RUNX2: variants seen among roughly 807,000 people sequenced by gnomAD.
The protein encoded by RUNX2 is runt-related transcription factor 2.
RUNX2 carries 10 observed loss-of-function variants against 51.7 expected under a neutral mutation model. That is an observed-to-expected ratio of 0.19 (90% confidence interval 0.12 to 0.33). RUNX2 has a LOEUF of 0.33. RUNX2 is among the 10% of genes least tolerant of loss of function. The pLI is 1.00. For missense variants in RUNX2, 562 were observed against 691.3 expected (o/e 0.81, Z 2.10); for synonymous variants, 276 against 273.6 (o/e 1.01, Z -0.09).
intron 2 of RUNX2, among the ~76,000 whole-genome samples, chr6:45,382,591 T>C (rs1209629054): frequency 6.6e-6 from 1 of 152,118 alleles, no homozygotes; most frequent in Non-Finnish European, 1.5e-5. Flanking sequence ...GTCTGGTAAG[T>C]TGAAGCAACT....
At chr6:45,475,300 T>A (rs1799926420) in intron 5 of RUNX2, among the ~76,000 whole-genome samples, 1 of 150,718 alleles carries the variant, frequency 6.6e-6, no homozygotes, top group Admixed American at 6.6e-5. Context: ...GGAGGGGAGG[T>A]TTTATTGAAG....
Position 45,422,658 on chromosome 6 carries a change from G to C in RUNX2, c.124G>C (p.Val42Leu). ...CCTGCAGCCCGGCAAAATGAGCGAC[G>C]TGAGCCCGGTGGTGGCTGCGCAACA... ...SSLQPGKMSD[V>L]SPVVAAQQQQ... The change falls in exon 3 of 9, where the codon GTG becomes CTG. Residue 42 changes from valine to leucine, a missense_variant. Physicochemically the swap from Val to Leu is conservative, Grantham distance 32. Around this residue, in one of 5 missense-constraint regions of RUNX2, gnomAD observed 153 missense variants for 144.8 expected, o/e 1.06. Transcript: ENST00000647337. 6.2e-7 allele frequency: 1 copy of C among 1,607,468 alleles called. No individual in the cohort carries two copies. The highest frequency in any genetic ancestry group is 8.5e-7 in the Non-Finnish European group (1 of 1,177,676).
At chr6:45,365,494 T>C (rs1483956007) in intron 2 of RUNX2, among the ~76,000 whole-genome samples, 1 of 151,792 alleles carries the variant, frequency 6.6e-6, no homozygotes, top group Non-Finnish European at 1.5e-5. Flanking sequence ...AAAAAACTAG[T>C]CAAGTAAGAT....
intron 7 of RUNX2, among the ~76,000 whole-genome samples, chr6:45,519,208 T>G (rs541499665): frequency 6.6e-6 from 1 of 152,330 alleles, no homozygotes; most frequent in South Asian, 2.1e-4. Flanking sequence ...ATTATTACTT[T>G]TATGTATATG....
chr6:45,383,453 A>C (rs1797283863), intron 2 of RUNX2, among the ~76,000 whole-genome samples: 1 of 152,144 alleles, frequency 6.6e-6, no homozygotes, highest in African/African-American at 2.4e-5. Context: ...TAAATAAATA[A>C]GTTCTTAAGG....
chr6:45,336,150 C>T (rs1251145078), intron 2 of RUNX2, among the ~76,000 whole-genome samples: 2 of 151,156 alleles, frequency 1.3e-5, no homozygotes, highest in African/African-American at 2.4e-5. Flanking sequence ...AACACATATA[C>T]ATTATTTCTC....
In RUNX2 at chr6:45,499,194, G is replaced by C. The variant is rs1026862081; in HGVS notation, c.859+7080G>C. Among the ~76,000 whole-genome samples the C allele has an allele frequency of 2.0e-5, 3 of 152,162 alleles. No individual in the cohort carries two copies. The East Asian group carries it at 5.8e-4, about 29-fold the overall frequency. On this transcript the variant is annotated intron_variant, in intron 6 of 8. Transcript: ENST00000647337. ...TTGGAAGTGGTTCTTTTTTACTTTGGTGGTGCAGTGTTGTAATTTCTGAAG... is the reference window on the plus strand; with the variant it reads ...TTGGAAGTGGTTCTTTTTTACTTTGCTGGTGCAGTGTTGTAATTTCTGAAG...
intron 6 of RUNX2, among the ~76,000 whole-genome samples, chr6:45,497,616 A>G (rs1286249927): frequency 2.6e-5 from 4 of 152,074 alleles, no homozygotes; most frequent in Admixed American, 2.0e-4. Flanking sequence ...GCCTCTTCCA[A>G]CCTATCCAAG....
At chr6:45,392,737 G>A (rs913459244) in intron 2 of RUNX2, among the ~76,000 whole-genome samples, 1 of 151,488 alleles carries the variant, frequency 6.6e-6, no homozygotes, top group South Asian at 2.1e-4. Flanking sequence ...TATGCTGTTT[G>A]GTGTTCTCTG....
At chr6:45,386,450 T>G (rs1459495293) in intron 2 of RUNX2, among the ~76,000 whole-genome samples, 3 of 152,178 alleles carry the variant, frequency 2.0e-5, no homozygotes, top group African/African-American at 7.2e-5. Flanking sequence ...TCCATATGTA[T>G]AGATTGTAGC....
chr6:45,517,606 G>C (rs1321724882), intron 7 of RUNX2, among the ~76,000 whole-genome samples: 1 of 151,876 alleles, frequency 6.6e-6, no homozygotes. Context: ...AAGTAGTCTT[G>C]AATCTCTTAT....
At chr6:45,431,589 G>T (rs761791857) in intron 3 of RUNX2, among the ~76,000 whole-genome samples, 8 of 152,130 alleles carry the variant, frequency 5.3e-5, no homozygotes, top group Non-Finnish European at 1.2e-4. Context: ...GCTTAACATG[G>T]GGATTTAATA....
chr6:45,493,017 A>T (rs1467645581), intron 6 of RUNX2, among the ~76,000 whole-genome samples: 1 of 152,184 alleles, frequency 6.6e-6, no homozygotes, highest in African/African-American at 2.4e-5. Flanking sequence ...TTTTATGGTT[A>T]GATTTTTGTT....
intron 5 of RUNX2, among the ~76,000 whole-genome samples, chr6:45,482,638 C>T (rs1038445757): frequency 6.6e-6 from 1 of 152,164 alleles, no homozygotes; most frequent in Admixed American, 6.5e-5. Flanking sequence ...CTTTATGTCA[C>T]TGGTCTAAAT....
chr6:45,488,612 A>G lies in RUNX2; in HGVS notation c.686-3329A>G, dbSNP rs567063370. ...AGAGACCTTTTCCCCAGGTCCCACT[A>G]TCAGAAATTCTGATTTAATTGATCT... On this transcript the variant is annotated intron_variant, in intron 5 of 8. Coordinates refer to ENST00000647337, the MANE Select transcript of RUNX2 (RefSeq NM_001024630.4). Among the ~76,000 whole-genome samples the G allele has an allele frequency of 4.6e-5, 7 of 152,300 alleles. No individual in the cohort carries two copies. In the South Asian group the frequency reaches 1.2e-3, roughly 27 times the overall value.
intron 6 of RUNX2, among the ~76,000 whole-genome samples, chr6:45,492,697 T>A (rs1426815964): frequency 6.6e-6 from 1 of 152,204 alleles, no homozygotes; most frequent in African/African-American, 2.4e-5. Context: ...TTACCTTTCT[T>A]CTGAGAAATT....
intron 2 of RUNX2, among the ~76,000 whole-genome samples, chr6:45,386,678 A>G (rs535550782): frequency 1.3e-5 from 2 of 152,332 alleles, no homozygotes; most frequent in Non-Finnish European, 2.9e-5. Flanking sequence ...AAGATGACGC[A>G]TCACTCAGCC....
intron 5 of RUNX2, among the ~76,000 whole-genome samples, chr6:45,489,915 G>A (rs1257517468): frequency 6.6e-6 from 1 of 152,158 alleles, no homozygotes; most frequent in South Asian, 2.1e-4. Flanking sequence ...AGCCAGCCTT[G>A]GCACCTCACT....
intron 2 of RUNX2, among the ~76,000 whole-genome samples, chr6:45,412,228 T>C (rs1014380195): frequency 4.0e-5 from 6 of 150,008 alleles, no homozygotes; most frequent in Non-Finnish European, 5.9e-5. Flanking sequence ...TGGTAGCTCA[T>C]GCCTGTAGTT....
Sources: gnomAD v4.1 joint callset for allele counts (sites outside exome capture counted in the v4.1 genomes callset) on GRCh38, gnomAD v4.1.1 for gene constraint, gnomAD v4.1.1 regional missense constraint, MANE v1.5 for transcripts, NCBI Gene and HGNC (gene_info 2026-07-23, HGNC 2026-07-21) for gene names.